Variants in CDKAL1 observed in about 807,000 individuals in gnomAD.
CDKAL1 encodes the protein CDKAL1 threonylcarbamoyladenosine tRNA methylthiotransferase, also known as threonylcarbamoyladenosine tRNA methylthiotransferase.
In CDKAL1, 32 loss-of-function variants were observed where a neutral mutation model predicts 68.2. That is an observed-to-expected ratio of 0.47 (90% confidence interval 0.35 to 0.63). The LOEUF (loss-of-function observed/expected upper bound fraction) is 0.63. Among genes scored for constraint, CDKAL1 ranks in the 30% least tolerant of loss-of-function variants. CDKAL1 has a pLI of 0.00. For missense variants in CDKAL1, 606 were observed against 696.7 expected (o/e 0.87, Z 1.47); for synonymous variants, 234 against 244.3 (o/e 0.96, Z 0.39).
chr6:20,538,931 AAG>A (rs1347125613), intron 2 of CDKAL1, among the ~76,000 whole-genome samples: 3 of 152,256 alleles, frequency 2.0e-5, no homozygotes, highest in African/African-American at 7.2e-5. Flanking sequence ...AGTACTGAAA[AAG>A]AGATGATGCC....
intron 12 of CDKAL1, among the ~76,000 whole-genome samples, chr6:21,071,281 TAGTG>T (rs143517860): frequency 0.011 from 1,642 of 152,248 alleles, 31 homozygotes; most frequent in African/African-American, 0.037. Flanking sequence ...GTTTTCATGA[TAGTG>T]AGTGAGTTCT....
At chr6:21,146,504 T>C (rs1171939550) in intron 13 of CDKAL1, among the ~76,000 whole-genome samples, 1 of 152,112 alleles carries the variant, frequency 6.6e-6, no homozygotes, top group African/African-American at 2.4e-5. Flanking sequence ...GGAGGAAAAC[T>C]CTTTTTGACA....
At chr6:20,741,784 T>A (rs1773470987) in intron 6 of CDKAL1, among the ~76,000 whole-genome samples, 1 of 152,144 alleles carries the variant, frequency 6.6e-6, no homozygotes, top group African/African-American at 2.4e-5. Flanking sequence ...CATGCATGTG[T>A]TTTTGTGGTA....
At chr6:20,943,294 C>G (rs1764072888) in intron 9 of CDKAL1, among the ~76,000 whole-genome samples, 1 of 121,634 alleles carries the variant, frequency 8.2e-6, no homozygotes, top group African/African-American at 3.2e-5. Flanking sequence ...CCCCCAGTTG[C>G]TTTTAAGATT....
intron 4 of CDKAL1, among the ~76,000 whole-genome samples, chr6:20,647,724 T>G (rs1768543585): frequency 6.6e-6 from 1 of 152,122 alleles, no homozygotes; most frequent in African/African-American, 2.4e-5. Context: ...GAATAATCTT[T>G]TCTGAGTTGA....
intron 5 of CDKAL1, among the ~76,000 whole-genome samples, chr6:20,668,425 G>A (rs914948204): frequency 2.0e-5 from 3 of 152,090 alleles, no homozygotes; most frequent in African/African-American, 7.2e-5. Flanking sequence ...TTGAAATCCT[G>A]GGCTAAAGCC....
intron 12 of CDKAL1, among the ~76,000 whole-genome samples, chr6:21,101,386 T>C (rs963674702): frequency 6.6e-6 from 1 of 152,174 alleles, no homozygotes; most frequent in Non-Finnish European, 1.5e-5. Flanking sequence ...TGGTATATTT[T>C]AAAGATTCGC....
chr6:20,567,746 C>T (rs1427266023), intron 4 of CDKAL1, among the ~76,000 whole-genome samples: 3 of 152,104 alleles, frequency 2.0e-5, no homozygotes, highest in Non-Finnish European at 4.4e-5. Flanking sequence ...CGAGGTTTTA[C>T]TTTGTGGCCC....
At chr6:20,898,143 A>G (rs1581787796) in intron 9 of CDKAL1, among the ~76,000 whole-genome samples, 1 of 151,296 alleles carries the variant, frequency 6.6e-6, no homozygotes, top group South Asian at 2.1e-4. Context: ...GTAATGTGGG[A>G]CTTCTTGGGC....
chr6:21,195,713 G>GT (rs1352422129), intron 13 of CDKAL1, among the ~76,000 whole-genome samples: 2 of 149,636 alleles, frequency 1.3e-5, no homozygotes. Flanking sequence ...GTTTTGCCAT[G>GT]TTACCCAGGC....
chr6:20,813,469 G>T (rs971946229), intron 8 of CDKAL1, among the ~76,000 whole-genome samples: 1 of 152,170 alleles, frequency 6.6e-6, no homozygotes, highest in African/African-American at 2.4e-5. Flanking sequence ...ATAAAGTCCA[G>T]TTTATGATAT....
chr6:20,856,406 T>C (rs1032495003), intron 9 of CDKAL1, among the ~76,000 whole-genome samples: 1 of 152,228 alleles, frequency 6.6e-6, no homozygotes, highest in Non-Finnish European at 1.5e-5. Context: ...TTGCTTAGTT[T>C]CAGCTGCTGT....
chr6:20,774,619 AACTAGTGTAGCAATT>A (rs1320920035), intron 7 of CDKAL1, among the ~76,000 whole-genome samples: 1 of 152,208 alleles, frequency 6.6e-6, no homozygotes, highest in East Asian at 1.9e-4. Flanking sequence ...ACATTGATTC[AACTAGTGTAGCAATT>A]ACTGTACAAA....
intron 9 of CDKAL1, among the ~76,000 whole-genome samples, chr6:20,848,657 AACATCAGGTTT>A (rs1758826521): frequency 1.3e-5 from 2 of 152,190 alleles, no homozygotes; most frequent in South Asian, 4.1e-4. Flanking sequence ...GAATGTTTGC[AACATCAGGTTT>A]TTCTGTTGCC....
chr6:20,968,449 G>A lies in CDKAL1; in HGVS notation c.909+12864G>A, dbSNP rs549814216. On this transcript the variant is annotated intron_variant, in intron 10 of 15. Transcript: ENST00000274695. ...GCTGGGATTACAGGTGTGAGCCACCGCACCCAGCCAATTAGTGCTGTTTTT... is the reference window on the plus strand; with the variant it reads ...GCTGGGATTACAGGTGTGAGCCACCACACCCAGCCAATTAGTGCTGTTTTT... 3.3e-5 allele frequency among the ~76,000 whole-genome samples: 5 copies of A among 152,044 alleles called. No homozygotes were observed. The South Asian group carries it at 6.2e-4, about 19-fold the overall frequency.
intron 9 of CDKAL1, among the ~76,000 whole-genome samples, chr6:20,882,153 A>C (rs1366356991): frequency 6.6e-6 from 1 of 152,188 alleles, no homozygotes; most frequent in African/African-American, 2.4e-5. Context: ...CTTCCTCTGA[A>C]GAAGGTCATA....
At chr6:20,632,117 A>G (rs1435892355) in intron 4 of CDKAL1, among the ~76,000 whole-genome samples, 1 of 152,204 alleles carries the variant, frequency 6.6e-6, no homozygotes, top group East Asian at 1.9e-4. Context: ...GAAAATTCAT[A>G]TGTTGGAAAT....
intron 13 of CDKAL1, among the ~76,000 whole-genome samples, chr6:21,186,923 C>T (rs922829495): frequency 2.0e-5 from 3 of 151,984 alleles, no homozygotes; most frequent in East Asian, 1.9e-4. Flanking sequence ...TTTTGATAGC[C>T]GCATTAACAG....
At position 20,926,412 on chromosome 6, in the gene CDKAL1, A is replaced by G. The variant is rs373238090; in HGVS notation, c.743-29007A>G. Among the ~76,000 whole-genome samples, 7 of 152,248 alleles carry G rather than the reference A, an allele frequency of 4.6e-5. No homozygotes were observed. In the East Asian group the frequency reaches 1.2e-3, roughly 25 times the overall value. ...AAATTCAGTGAAAATGGTTAAAAAA[A>G]GAGACTTCAGGAAAATTAAAATAAG... On this transcript the variant is annotated intron_variant, in intron 9 of 15. Transcript: ENST00000274695.
Sources: allele counts gnomAD v4.1 joint callset (sites outside exome capture counted in the v4.1 genomes callset), GRCh38; gene constraint gnomAD v4.1.1; transcripts MANE v1.5; gene names NCBI Gene and HGNC (gene_info 2026-07-23, HGNC 2026-07-21).